CAMTA1: variants seen among roughly 807,000 people sequenced by gnomAD.
CAMTA1 encodes calmodulin binding transcription activator 1, also known as calmodulin-binding transcription activator 1.
In CAMTA1, 27 loss-of-function variants were observed where a neutral mutation model predicts 170.9. The ratio of observed to expected loss-of-function variants is 0.16; its 90% CI spans 0.12 to 0.22. CAMTA1 has a LOEUF of 0.22. Among genes scored for constraint, CAMTA1 ranks in the 10% least tolerant of loss-of-function variants. CAMTA1 has a pLI of 1.00. For synonymous variants in CAMTA1, 833 were observed against 891.5 expected (o/e 0.93, Z 1.17); for missense variants, 1,619 against 2,217.2 (o/e 0.73, Z 5.42).
At position 7,041,307 on chromosome 1, in the gene CAMTA1, G is replaced by T. The variant is rs1432250825; in HGVS notation, c.235-49997G>T. On this transcript the variant is annotated intron_variant, in intron 3 of 22. Coordinates refer to ENST00000303635, the MANE Select transcript of CAMTA1 (RefSeq NM_015215.4). This position sits in a 1 kb window ranked among gnomAD's most constrained non-coding sequence, Gnocchi z 5.1. ...AGAGCCAGTCCAGTCAGACCTGCGAGGCCTGGGCTGTGGCTGCTGTGGCTT... is the reference window on the plus strand; with the variant it reads ...AGAGCCAGTCCAGTCAGACCTGCGATGCCTGGGCTGTGGCTGCTGTGGCTT... Among the ~76,000 whole-genome samples the T allele has an allele frequency of 6.6e-6, 1 of 152,244 alleles. No homozygotes were observed. The highest frequency in any genetic ancestry group is 1.5e-5 in the Non-Finnish European group (1 of 68,044).
intron 5 of CAMTA1, among the ~76,000 whole-genome samples, chr1:7,457,705 C>T (rs2092992219): frequency 6.6e-6 from 1 of 152,160 alleles, no homozygotes; most frequent in African/African-American, 2.4e-5. Flanking sequence ...GCTTGAAGAC[C>T]CAGTGTCCCT....
At chr1:7,384,363 C>T (rs935611688) in intron 5 of CAMTA1, among the ~76,000 whole-genome samples, 3 of 152,154 alleles carry the variant, frequency 2.0e-5, no homozygotes, top group Admixed American at 6.5e-5. Context: ...GCCAGGGCCC[C>T]CTAAGGCTGC....
At chr1:7,097,139 C>T (rs1000987935) in intron 4 of CAMTA1, among the ~76,000 whole-genome samples, 13 of 152,198 alleles carry the variant, frequency 8.5e-5, no homozygotes, top group Non-Finnish European at 1.3e-4. Flanking sequence ...TTCCTGCTCC[C>T]GTAGCTGCAC....
chr1:6,917,263 G>A (rs1681009867), intron 3 of CAMTA1, among the ~76,000 whole-genome samples: 2 of 152,148 alleles, frequency 1.3e-5, no homozygotes, highest in Non-Finnish European at 2.9e-5. Flanking sequence ...GCTGGTGCAG[G>A]ATGAGGGTGG....
intron 6 of CAMTA1, among the ~76,000 whole-genome samples, chr1:7,501,619 T>TTTG (rs2094007168): frequency 3.6e-5 from 1 of 27,632 alleles, no homozygotes; most frequent in African/African-American, 7.0e-5. Context: ...TAAACAACAG[T>TTTG]TTTTTTTTTA....
intron 5 of CAMTA1, among the ~76,000 whole-genome samples, chr1:7,376,427 G>A (rs547609838): frequency 3.1e-4 from 47 of 152,274 alleles, no homozygotes; most frequent in African/African-American, 1.1e-3. Flanking sequence ...ACACATACAC[G>A]TGAGCCAAGG....
At chr1:7,354,507 T>C in intron 5 of CAMTA1, among the ~76,000 whole-genome samples, 1 of 152,228 alleles carries the variant, frequency 6.6e-6, no homozygotes, top group South Asian at 2.1e-4. Context: ...TTCTGTACCT[T>C]TGCTATTTTG....
chr1:7,040,232 A>C (rs6577408), intron 3 of CAMTA1, among the ~76,000 whole-genome samples: 6 of 151,528 alleles, frequency 4.0e-5, no homozygotes, highest in African/African-American at 1.5e-4. Flanking sequence ...GCATATTTCA[A>C]TTTAATCTGC....
At chr1:6,933,523 G>T (rs530295366) in intron 3 of CAMTA1, among the ~76,000 whole-genome samples, 53 of 152,272 alleles carry the variant, frequency 3.5e-4, no homozygotes, top group African/African-American at 1.3e-3. Flanking sequence ...GCCTCCCAAA[G>T]TGCTGTGATT....
rs529144951 is a variant in CAMTA1 at position 6,852,870 on chromosome 1, A to G, written c.234+27660A>G. 2.8e-4 allele frequency among the ~76,000 whole-genome samples: 43 copies of G among 152,324 alleles called. 1 individual carries two copies. Among genetic ancestry groups the G allele is most frequent in the Non-Finnish European group, 3.1e-4 (21 of 68,026 alleles). Reference sequence around the variant, plus strand: ...GTGGTGGGGTGGGGAGCAGAGTGACAGGGGATGAAAGTCTGAATCCTCTAA... The same window carrying G: ...GTGGTGGGGTGGGGAGCAGAGTGACGGGGGATGAAAGTCTGAATCCTCTAA... On this transcript the variant is annotated intron_variant, in intron 3 of 22. Coordinates refer to ENST00000303635, the MANE Select transcript of CAMTA1 (RefSeq NM_015215.4).
chr1:7,458,610 C>G (rs2093015534), intron 5 of CAMTA1, among the ~76,000 whole-genome samples: 1 of 152,216 alleles, frequency 6.6e-6, no homozygotes, highest in Non-Finnish European at 1.5e-5. Context: ...TGTTAAGGGG[C>G]TGTTTTCAGG....
intron 5 of CAMTA1, among the ~76,000 whole-genome samples, chr1:7,342,153 C>T (rs1418677064): frequency 1.3e-5 from 2 of 152,170 alleles, no homozygotes; most frequent in Admixed American, 1.3e-4. Flanking sequence ...CTCTTGAGGG[C>T]AATATCTGGG....
chr1:7,645,803 C>T (rs902696266), intron 7 of CAMTA1, among the ~76,000 whole-genome samples: 2 of 152,270 alleles, frequency 1.3e-5, no homozygotes, highest in African/African-American at 4.8e-5. Context: ...CCAGGGCCTA[C>T]GCCCACACCA....
intron 6 of CAMTA1, among the ~76,000 whole-genome samples, chr1:7,620,241 C>T (rs2095588476): frequency 6.6e-6 from 1 of 152,148 alleles, no homozygotes; most frequent in Admixed American, 6.5e-5. Flanking sequence ...AATTTTTTGT[C>T]ATCACCCTTC....
chr1:7,478,102 C>G (rs1023950527), intron 6 of CAMTA1, among the ~76,000 whole-genome samples: 1 of 152,218 alleles, frequency 6.6e-6, no homozygotes, highest in Non-Finnish European at 1.5e-5. Flanking sequence ...CTTTTGGACT[C>G]GGCAGCCCCC....
At chr1:6,857,708 C>A (rs1213619412) in intron 3 of CAMTA1, among the ~76,000 whole-genome samples, 1 of 152,166 alleles carries the variant, frequency 6.6e-6, no homozygotes, top group Non-Finnish European at 1.5e-5. Context: ...GTCTGTATGA[C>A]AGGCAATACT....
At chr1:7,621,030 G>A (rs746172047) in intron 6 of CAMTA1, among the ~76,000 whole-genome samples, 18 of 152,206 alleles carry the variant, frequency 1.2e-4, no homozygotes, top group African/African-American at 2.9e-4. Context: ...GGGAAAGGCC[G>A]TAGGGTCAGG....
At chr1:7,644,420 C>T (rs997291388) in intron 7 of CAMTA1, among the ~76,000 whole-genome samples, 3 of 152,188 alleles carry the variant, frequency 2.0e-5, no homozygotes, top group Non-Finnish European at 4.4e-5. Context: ...ACTATGGGTC[C>T]TGCTGCTATG....
chr1:7,352,225 C>T (rs1037876583), intron 5 of CAMTA1, among the ~76,000 whole-genome samples: 1 of 151,284 alleles, frequency 6.6e-6, no homozygotes, highest in Non-Finnish European at 1.5e-5. Flanking sequence ...AGAAACGGCT[C>T]CTGGGTGGTA....
Sources: gnomAD v4.1 joint callset for allele counts (sites outside exome capture counted in the v4.1 genomes callset) on GRCh38, gnomAD v4.1.1 for gene constraint, Gnocchi (gnomAD v3.1) non-coding constraint, MANE v1.5 for transcripts, NCBI Gene and HGNC (gene_info 2026-07-23, HGNC 2026-07-21) for gene names.